The following DENND1A variants were observed in gnomAD, a reference collection of about 807,000 sequenced individuals.
DENND1A encodes DENN domain-containing protein 1A.
Under a neutral mutation model 113.7 loss-of-function variants are expected in DENND1A, and 51 were observed. That is an observed-to-expected ratio of 0.45 (90% CI 0.36 to 0.57). The LOEUF (loss-of-function observed/expected upper bound fraction) is 0.57, where lower values mean the gene tolerates loss of function less well. Ranked by LOEUF, DENND1A falls within the 20% of genes least tolerant of loss-of-function variation. DENND1A has a pLI of 0.00. For synonymous variants in DENND1A, 565 were observed against 570.8 expected, an observed-to-expected ratio of 0.99 and a Z score of 0.14; for missense variants, 1,258 against 1,395.9, an observed-to-expected ratio of 0.90 and a Z score of 1.57.
Position 123,547,433 on chromosome 9 carries a change from G to T in DENND1A, c.993+10137C>A, listed in dbSNP as rs564641826. On this transcript the variant is annotated intron_variant, in intron 13 of 23. Coordinates refer to ENST00000394215, the MANE Select transcript of DENND1A (RefSeq NM_001352964.2). ...AATCTCAGCTACTCAGGAGGCTGAG[G>T]CAGGAGAATCACTTGAACTTGGGAG... Among the ~76,000 whole-genome samples, 9 of 152,326 alleles carry T rather than the reference G, an allele frequency of 5.9e-5. No homozygotes were observed. The East Asian group carries it at 1.7e-3, about 29-fold the overall frequency.
chr9:123,836,772 A>C (rs965896288), intron 2 of DENND1A, among the ~76,000 whole-genome samples: 5 of 152,156 alleles, frequency 3.3e-5, no homozygotes, highest in African/African-American at 1.2e-4. Context: ...CTTACAAATA[A>C]AAGTTGTTTA....
intron 13 of DENND1A, among the ~76,000 whole-genome samples, chr9:123,476,145 T>C (rs1194387859): frequency 4.6e-5 from 7 of 151,768 alleles, no homozygotes; most frequent in African/African-American, 1.7e-4. Context: ...GATCGCACGA[T>C]TGCACTACAG....
At position 123,728,506 on chromosome 9, in the gene DENND1A, A is replaced by AAAAAAAAAACAAAAAAAC. The variant is rs1564150268; in HGVS notation, c.302+29196_302+29197insGTTTTTTTGTTTTTTTTT. Among the ~76,000 whole-genome samples, 54 of 145,892 alleles carry AAAAAAAAAACAAAAAAAC rather than the reference A, an allele frequency of 3.7e-4. 1 individual carries two copies. The highest frequency in any genetic ancestry group is 1.4e-3 in the African/African-American group (53 of 37,168). ...AAAAAAAAAAAAAAAAAAAAAAAAA[A>AAAAAAAAAACAAAAAAAC]AAAACAGGCATCAGTCATCTTTACC... On this transcript the variant is annotated intron_variant, in intron 5 of 23. Transcript: ENST00000394215.
chr9:123,701,506 C>A (rs141082952), intron 5 of DENND1A, among the ~76,000 whole-genome samples: 92 of 152,272 alleles, frequency 6.0e-4, no homozygotes, highest in African/African-American at 2.2e-3. Context: ...ATCAGGCAGA[C>A]CTCTAGGGCC....
At chr9:123,539,492 CCATGAAATCAAGATAGTGG>C (rs1589045460) in intron 13 of DENND1A, among the ~76,000 whole-genome samples, 1 of 151,390 alleles carries the variant, frequency 6.6e-6, no homozygotes, top group Non-Finnish European at 1.5e-5. Context: ...GAAGTGATTA[CCATGAAATCAAGATAGTGG>C]CATGAAATCA....
At chr9:123,570,344 G>A (rs892779185) in intron 12 of DENND1A, among the ~76,000 whole-genome samples, 3 of 152,188 alleles carry the variant, frequency 2.0e-5, no homozygotes, top group African/African-American at 7.2e-5. Context: ...GGGTAGAAGA[G>A]CAATGGCAAG....
intron 5 of DENND1A, among the ~76,000 whole-genome samples, chr9:123,706,807 G>A (rs1426653650): frequency 1.4e-5 from 2 of 147,970 alleles, no homozygotes; most frequent in Non-Finnish European, 3.0e-5. Context: ...ATAGAGAAGG[G>A]TCAAAAACAA....
At chr9:123,881,799 C>G (rs1848353163) in intron 1 of DENND1A, among the ~76,000 whole-genome samples, 1 of 152,262 alleles carries the variant, frequency 6.6e-6, no homozygotes, top group Admixed American at 6.5e-5. Context: ...CTAACATACT[C>G]CAACCAGGCT....
At chr9:123,590,046 T>C (rs554580975) in intron 11 of DENND1A, among the ~76,000 whole-genome samples, 1 of 152,352 alleles carries the variant, frequency 6.6e-6, no homozygotes, top group East Asian at 1.9e-4. Flanking sequence ...ATGTAAAAGA[T>C]TCAGCATAAT....
chr9:123,724,648 C>T (rs2067573240), intron 5 of DENND1A, among the ~76,000 whole-genome samples: 1 of 152,156 alleles, frequency 6.6e-6, no homozygotes, highest in South Asian at 2.1e-4. Flanking sequence ...CTGGCCAGGC[C>T]TCCCCAGCTT....
intron 8 of DENND1A, among the ~76,000 whole-genome samples, chr9:123,656,700 C>T (rs931852819): frequency 3.3e-5 from 5 of 152,168 alleles, no homozygotes; most frequent in African/African-American, 9.7e-5. Flanking sequence ...GTGTCCCTGG[C>T]CACCTCTTCC....
At chr9:123,401,103 C>T (rs982238011) in intron 21 of DENND1A, 15 of 152,580 alleles carry the variant, frequency 9.8e-5, no homozygotes, top group African/African-American at 3.4e-4. Context: ...TAGGATCGGG[C>T]CCCTGCTGCC....
chr9:123,861,896 C>T (rs1845108879), intron 2 of DENND1A, among the ~76,000 whole-genome samples: 2 of 152,142 alleles, frequency 1.3e-5, no homozygotes, highest in Admixed American at 6.6e-5. Context: ...ATTTTCTAAG[C>T]ACACTTACAG....
At chr9:123,828,446 A>T (rs1197806351) in intron 2 of DENND1A, among the ~76,000 whole-genome samples, 3 of 152,094 alleles carry the variant, frequency 2.0e-5, no homozygotes, top group Non-Finnish European at 4.4e-5. Context: ...GAAAAAAGAT[A>T]GAAAGAGAAT....
intron 2 of DENND1A, among the ~76,000 whole-genome samples, chr9:123,811,105 C>T (rs1292102888): frequency 2.0e-5 from 3 of 152,140 alleles, no homozygotes; most frequent in Non-Finnish European, 4.4e-5. Context: ...CTGGACTAGA[C>T]CCTGTTATGC....
At chr9:123,831,430 G>C (rs1840192314) in intron 2 of DENND1A, among the ~76,000 whole-genome samples, 1 of 151,978 alleles carries the variant, frequency 6.6e-6, no homozygotes, top group South Asian at 2.1e-4. Flanking sequence ...GGCACTTTAA[G>C]GGAAATTAAC....
intron 2 of DENND1A, among the ~76,000 whole-genome samples, chr9:123,872,643 G>A (rs558598000): frequency 8.6e-5 from 13 of 151,986 alleles, no homozygotes; most frequent in Non-Finnish European, 1.5e-4. Context: ...ACATACTCAA[G>A]AACTAATCAG....
At chr9:123,699,390 T>C (rs188124692) in intron 5 of DENND1A, among the ~76,000 whole-genome samples, 1 of 152,286 alleles carries the variant, frequency 6.6e-6, no homozygotes, top group East Asian at 1.9e-4. Flanking sequence ...AAGTTATCTG[T>C]ATATTACATA....
intron 13 of DENND1A, among the ~76,000 whole-genome samples, chr9:123,538,500 G>A (rs2055971653): frequency 1.3e-5 from 2 of 152,080 alleles, no homozygotes; most frequent in East Asian, 1.9e-4. Flanking sequence ...GGATGTACAA[G>A]ATAAGCCTGG....
Sources: allele counts gnomAD v4.1 joint callset (sites outside exome capture counted in the v4.1 genomes callset), GRCh38; gene constraint gnomAD v4.1.1; transcripts MANE v1.5; gene names NCBI Gene and HGNC (gene_info 2026-07-23, HGNC 2026-07-21).